Variants in NCALD observed in about 807,000 individuals in gnomAD.
NCALD encodes neurocalcin delta, also known as neurocalcin-delta.
A neutral mutation model predicts 18.6 loss-of-function variants in NCALD; 10 were observed. The observed-to-expected ratio is 0.54, with a 90% CI of 0.33 to 0.91. The LOEUF (loss-of-function observed/expected upper bound fraction) is 0.91. NCALD is among the 40% of genes least tolerant of loss of function. The pLI is 0.03. For synonymous variants in NCALD, 88 were observed against 87.4 expected (o/e 1.01, Z -0.04); for missense variants, 184 against 247.6 (o/e 0.74, Z 1.72).
At chr8:101,753,103 T>A (rs1810727093) in intron 1 of NCALD, among the ~76,000 whole-genome samples, 1 of 152,192 alleles carries the variant, frequency 6.6e-6, no homozygotes, top group Non-Finnish European at 1.5e-5. Flanking sequence ...AATGCATGAC[T>A]GTCTCTTATT....
At chr8:101,745,134 G>T (rs1810374736) in intron 1 of NCALD, among the ~76,000 whole-genome samples, 1 of 151,690 alleles carries the variant, frequency 6.6e-6, no homozygotes, top group African/African-American at 2.4e-5. Flanking sequence ...CGTAGTAATT[G>T]CAGAAAAAAG....
chr8:101,972,892 CAACA>C (rs1444710841), intron 2 of NCALD, among the ~76,000 whole-genome samples: 2 of 152,246 alleles, frequency 1.3e-5, no homozygotes, highest in African/African-American at 2.4e-5. Flanking sequence ...GATCGGCTCA[CAACA>C]AACAGTTTGT....
At chr8:101,791,488 G>A (rs16868457), upstream of NCALD, among the ~76,000 whole-genome samples, 2,234 of 152,166 alleles carry the variant, frequency 0.015, 28 homozygotes, top group Middle Eastern at 0.044. Context: ...CTATATCAGA[G>A]TCTACATGGA....
At position 101,712,618 on chromosome 8, in the gene NCALD, A is replaced by T. The variant is rs188067478; in HGVS notation, c.378+6634T>A. Among the ~76,000 whole-genome samples, 402 of 147,888 alleles carry T rather than the reference A, an allele frequency of 2.7e-3. 2 individuals are homozygous for T. Among genetic ancestry groups the T allele is most frequent in the African/African-American group, 9.6e-3 (390 of 40,600 alleles). On this transcript the variant is annotated intron_variant, in intron 2 of 3. Transcript: ENST00000220931. ...AAAAAAAAAAAAAAAAAAATAGCAG[A>T]GGTTGCAATCCTAATCTCTGATAAA...
chr8:101,855,873 G>C (rs979598080), intron 4 of NCALD, among the ~76,000 whole-genome samples: 2 of 152,160 alleles, frequency 1.3e-5, no homozygotes, highest in Non-Finnish European at 2.9e-5. Flanking sequence ...TTGATGTCAT[G>C]TTATTTGCTT....
chr8:102,059,883 G>A (rs922223442), intron 1 of NCALD, among the ~76,000 whole-genome samples: 16 of 152,324 alleles, frequency 1.1e-4, no homozygotes, highest in African/African-American at 3.1e-4. Context: ...CAGAGGGCCT[G>A]GTAAAACACA....
chr8:101,921,748 ATTC>A (rs1818173378), intron 2 of NCALD, among the ~76,000 whole-genome samples: 1 of 152,198 alleles, frequency 6.6e-6, no homozygotes, highest in African/African-American at 2.4e-5. Flanking sequence ...TCTAAGACAG[ATTC>A]TTAATTTTTT....
At chr8:101,758,472 G>T (rs897694760) in intron 1 of NCALD, among the ~76,000 whole-genome samples, 2 of 152,154 alleles carry the variant, frequency 1.3e-5, no homozygotes, top group African/African-American at 2.4e-5. Context: ...ATATAACACT[G>T]CAGTATTTCC....
intron 1 of NCALD, among the ~76,000 whole-genome samples, chr8:102,087,463 A>C (rs1043020365): frequency 6.6e-6 from 1 of 152,070 alleles, no homozygotes. Context: ...TAGAGACCCA[A>C]CTTAGGGGAG....
chr8:101,810,065 G>A (rs1274941379), intron 4 of NCALD, among the ~76,000 whole-genome samples: 1 of 152,174 alleles, frequency 6.6e-6, no homozygotes, highest in Non-Finnish European at 1.5e-5. Flanking sequence ...CAAGAACAGA[G>A]AAGCAATTCT....
intron 1 of NCALD, among the ~76,000 whole-genome samples, chr8:101,774,585 A>C (rs898268997): frequency 2.0e-5 from 3 of 152,222 alleles, no homozygotes; most frequent in African/African-American, 7.2e-5. Flanking sequence ...CAAAAGAAAG[A>C]GACATATTTA....
intron 2 of NCALD, among the ~76,000 whole-genome samples, chr8:101,992,021 G>A (rs1178386246): frequency 6.6e-6 from 1 of 152,172 alleles, no homozygotes; most frequent in Non-Finnish European, 1.5e-5. Context: ...TAAAGTATCT[G>A]GCTTCATTTA....
At chr8:101,700,693 C>A (rs890906725) in intron 2 of NCALD, among the ~76,000 whole-genome samples, 9 of 152,160 alleles carry the variant, frequency 5.9e-5, no homozygotes, top group African/African-American at 2.2e-4. Context: ...AAAGCTCAAG[C>A]AAGCACATGA....
intron 1 of NCALD, among the ~76,000 whole-genome samples, chr8:102,108,638 T>A (rs1382602833): frequency 6.6e-6 from 1 of 152,156 alleles, no homozygotes; most frequent in Non-Finnish European, 1.5e-5. Context: ...AATACTAAAG[T>A]AATTAGTAAA....
chr8:101,735,094 G>T (rs1284308415), intron 1 of NCALD, among the ~76,000 whole-genome samples: 1 of 152,168 alleles, frequency 6.6e-6, no homozygotes. Flanking sequence ...TGGGAGGATG[G>T]ATGTTGGGGT....
intron 2 of NCALD, among the ~76,000 whole-genome samples, chr8:101,918,796 C>A (rs1818062495): frequency 6.7e-6 from 1 of 149,390 alleles, no homozygotes; most frequent in Admixed American, 6.7e-5. Flanking sequence ...AAACATCTAA[C>A]CAAGGAAGTG....
At chr8:102,088,618 G>C (rs916793313) in intron 1 of NCALD, among the ~76,000 whole-genome samples, 5 of 151,616 alleles carry the variant, frequency 3.3e-5, no homozygotes, top group African/African-American at 1.2e-4. Context: ...AAAGTAGATA[G>C]ATCTCCAGGA....
intron 2 of NCALD, among the ~76,000 whole-genome samples, chr8:102,013,877 T>G (rs1203529400): frequency 6.6e-6 from 1 of 152,180 alleles, no homozygotes. Context: ...TTAACCTTTA[T>G]CAAGATTTGA....
At chr8:102,098,851 C>T (rs1000453676) in intron 1 of NCALD, among the ~76,000 whole-genome samples, 7 of 152,220 alleles carry the variant, frequency 4.6e-5, no homozygotes, top group Admixed American at 3.9e-4. Context: ...TACTCATCCC[C>T]TGCCACAGTG....
Sources: gnomAD v4.1 joint callset for allele counts (sites outside exome capture counted in the v4.1 genomes callset) on GRCh38, gnomAD v4.1.1 for gene constraint, MANE v1.5 for transcripts, NCBI Gene and HGNC (gene_info 2026-07-23, HGNC 2026-07-21) for gene names.